The following LYPD6B variants were observed in gnomAD, a reference collection of about 807,000 sequenced individuals.
LYPD6B encodes LY6/PLAUR domain containing 6B.
LYPD6B carries 17 observed loss-of-function variants against 22.8 expected under a neutral mutation model. The observed-to-expected ratio is 0.75, with a 90% CI of 0.51 to 1.12. LYPD6B has a LOEUF of 1.12. Among genes scored for constraint, LYPD6B ranks in the 50% most tolerant of loss-of-function variants. LYPD6B has a pLI of 0.00. For missense variants in LYPD6B, 221 were observed against 258.3 expected, an observed-to-expected ratio of 0.86 and a Z score of 0.99; for synonymous variants, 106 against 91.6, an observed-to-expected ratio of 1.16 and a Z score of -0.90.
At chr2:149,157,192 G>A (rs533778284) in intron 2 of LYPD6B, among the ~76,000 whole-genome samples, 4 of 152,146 alleles carry the variant, frequency 2.6e-5, no homozygotes, top group South Asian at 2.1e-4. Context: ...GTCGGGGGCC[G>A]GCTTCTGCAG....
intron 2 of LYPD6B, among the ~76,000 whole-genome samples, chr2:149,142,948 T>C (rs1251561354): frequency 6.6e-6 from 1 of 152,210 alleles, no homozygotes; most frequent in Non-Finnish European, 1.5e-5. Flanking sequence ...GTTATAGATA[T>C]ATGGAGAAGT....
chr2:149,177,810 C>T (rs572880874), intron 3 of LYPD6B, among the ~76,000 whole-genome samples: 208 of 150,790 alleles, frequency 1.4e-3, no homozygotes, highest in Non-Finnish European at 2.5e-3. Context: ...CTTACACAAC[C>T]TGGCACTGTA....
At chr2:149,109,968 C>T (rs969412805) in intron 1 of LYPD6B, among the ~76,000 whole-genome samples, 1 of 152,136 alleles carries the variant, frequency 6.6e-6, no homozygotes, top group Non-Finnish European at 1.5e-5. Context: ...ATCTCGGCCT[C>T]CCAAAGTGCT....
chr2:149,214,378 T>C (rs6711281), intron 6 of LYPD6B, among the ~76,000 whole-genome samples, 168 bp from the exon 7 acceptor site: 29,585 of 152,026 alleles, frequency 0.19, 2,997 homozygotes, highest in East Asian at 0.36. Flanking sequence ...TCTATTGGCA[T>C]TGGTGGGGGA....
intron 3 of LYPD6B, chr2:149,188,692 T>C: frequency 1.0e-6 from 1 of 982,826 alleles, no homozygotes; most frequent in Non-Finnish European, 1.2e-6. Context: ...ACAGAGGATA[T>C]ATTCCGTAAC....
chr2:149,189,044 T>C (rs1440700220), intron 3 of LYPD6B, among the ~76,000 whole-genome samples: 1 of 151,784 alleles, frequency 6.6e-6, no homozygotes, highest in Non-Finnish European at 1.5e-5. Context: ...AACAAGAATT[T>C]CCCCCTTACT....
intron 3 of LYPD6B, among the ~76,000 whole-genome samples, chr2:149,185,595 A>G (rs1181177556): frequency 6.6e-6 from 1 of 152,242 alleles, no homozygotes. Flanking sequence ...GGCAAATGAC[A>G]TGAATGACCA....
intron 1 of LYPD6B, among the ~76,000 whole-genome samples, chr2:149,129,101 T>C (rs1687870712): frequency 6.6e-6 from 1 of 152,192 alleles, no homozygotes; most frequent in Admixed American, 6.5e-5. Flanking sequence ...CTTGCATGCT[T>C]CCTAAAACTC....
Position 149,139,145 on chromosome 2 carries a change from G to A in LYPD6B, c.5+8192G>A, listed in dbSNP as rs1327992292. 5.3e-5 allele frequency among the ~76,000 whole-genome samples: 8 copies of A among 152,214 alleles called. No individual in the cohort carries two copies. The East Asian group carries it at 1.5e-3, about 29-fold the overall frequency. ...ACAGTGTCAGCCTTCCAGCAAGGTGGTTCGAGTTCCAACTCGGGAAGGAAT... is the reference window on the plus strand; with the variant it reads ...ACAGTGTCAGCCTTCCAGCAAGGTGATTCGAGTTCCAACTCGGGAAGGAAT... On this transcript the variant is annotated intron_variant, in intron 2 of 6. Coordinates refer to ENST00000409642, the MANE Select transcript of LYPD6B (RefSeq NM_177964.5).
intron 1 of LYPD6B, among the ~76,000 whole-genome samples, chr2:149,089,745 C>T (rs1251249940): frequency 6.6e-6 from 1 of 152,128 alleles, no homozygotes; most frequent in African/African-American, 2.4e-5. Context: ...TTAATTGTTG[C>T]TGTGCAGTCT....
chr2:149,168,270 A>AGGAGCTGG (rs1690568949), intron 3 of LYPD6B, among the ~76,000 whole-genome samples: 1 of 150,986 alleles, frequency 6.6e-6, no homozygotes, highest in Non-Finnish European at 1.5e-5. Context: ...GGTGAGGAAG[A>AGGAGCTGG]GGAGCTGGGG....
chr2:149,126,932 AT>A (rs34809542), intron 1 of LYPD6B, among the ~76,000 whole-genome samples: 73,398 of 140,876 alleles, frequency 0.52, 18,583 homozygotes, highest in East Asian at 0.85. Context: ...CCTTCTGGTC[AT>A]TTTTTTTTTT....
intron 1 of LYPD6B, among the ~76,000 whole-genome samples, chr2:149,070,147 C>T (rs1558979744): frequency 6.6e-6 from 1 of 152,044 alleles, no homozygotes; most frequent in Non-Finnish European, 1.5e-5. Context: ...CCTTCCATGT[C>T]TCCCAGTGAG....
chr2:149,112,124 G>A (rs1000103485), intron 1 of LYPD6B, among the ~76,000 whole-genome samples: 5 of 152,166 alleles, frequency 3.3e-5, no homozygotes, highest in African/African-American at 1.2e-4. Context: ...GTGAGCATAA[G>A]CAGCTGTTGA....
chr2:149,068,985 T>G (rs1684468985), intron 1 of LYPD6B: 1 of 188,500 alleles, frequency 5.3e-6, no homozygotes, highest in Non-Finnish European at 1.1e-5. Flanking sequence ...CTGTTCCAGA[T>G]CACTTCTTAA....
chr2:149,047,423 C>T (rs181645976), intron 1 of LYPD6B, among the ~76,000 whole-genome samples: 93 of 152,230 alleles, frequency 6.1e-4, no homozygotes, highest in Admixed American at 1.1e-3. Context: ...GCTTCATTCT[C>T]TTCTTGTATG....
At chr2:149,207,274 A>G (rs562689327) in intron 4 of LYPD6B, among the ~76,000 whole-genome samples, 1 of 152,254 alleles carries the variant, frequency 6.6e-6, no homozygotes, top group African/African-American at 2.4e-5. Flanking sequence ...GTTTTGTGCT[A>G]CCATACATAT....
intron 1 of LYPD6B, among the ~76,000 whole-genome samples, chr2:149,120,195 T>C (rs1331510766): frequency 1.3e-5 from 2 of 151,394 alleles, no homozygotes; most frequent in Non-Finnish European, 2.9e-5. Context: ...TTTAAGGATA[T>C]TTTAGAAGAG....
chr2:149,075,521 C>G (rs1014629941), intron 1 of LYPD6B, among the ~76,000 whole-genome samples: 5 of 152,042 alleles, frequency 3.3e-5, no homozygotes, highest in Non-Finnish European at 5.9e-5. Context: ...CAAACAGCAA[C>G]CAACAAATCA....
Sources: gnomAD v4.1 joint callset for allele counts (sites outside exome capture counted in the v4.1 genomes callset) on GRCh38, gnomAD v4.1.1 for gene constraint, MANE v1.5 for transcripts, NCBI Gene and HGNC (gene_info 2026-07-23, HGNC 2026-07-21) for gene names.